The following RAPGEF4 variants were observed in gnomAD, a reference collection of about 807,000 sequenced individuals.
RAPGEF4 encodes the protein Rap guanine nucleotide exchange factor 4.
In RAPGEF4, 66 loss-of-function variants were observed where a neutral mutation model predicts 147.9. The observed-to-expected ratio is 0.45, with a 90% CI of 0.37 to 0.55. The LOEUF is 0.55. RAPGEF4 is among the 20% of genes least tolerant of loss of function. The probability of loss-of-function intolerance (pLI) is 0.00; values close to 1 mark genes in which losing one functional copy is unlikely to be tolerated. For synonymous variants in RAPGEF4, 419 were observed against 442.7 expected (o/e 0.95, Z 0.67); for missense variants, 1,071 against 1,257.3 (o/e 0.85, Z 2.24).
chr2:172,965,599 A>T lies in RAPGEF4; in HGVS notation c.736A>T (p.Met246Leu). 4 of 1,613,756 alleles carry T rather than the reference A, an allele frequency of 2.5e-6. No homozygotes were observed. The highest frequency in any genetic ancestry group is 3.4e-6 in the Non-Finnish European group (4 of 1,179,644). Residue 246 changes from methionine (M) to leucine (L), a missense_variant, in exon 9 of 31, where the codon ATG becomes TTG. Physicochemically the swap from Met to Leu is conservative, Grantham distance 15. Coordinates refer to ENST00000397081, the MANE Select transcript of RAPGEF4 (RefSeq NM_007023.4). ...CVGTELVDWM[M>L]QQTPCVHSRT... Reference sequence around the variant, plus strand: ...GGGAACTGAACTGGTGGACTGGATGATGCAGCAGACACCATGTGTTCACTC... The same window carrying T: ...GGGAACTGAACTGGTGGACTGGATGTTGCAGCAGACACCATGTGTTCACTC...
chr2:172,927,590 G>T (rs902319714), intron 6 of RAPGEF4, among the ~76,000 whole-genome samples: 1 of 151,714 alleles, frequency 6.6e-6, no homozygotes, highest in African/African-American at 2.4e-5. Context: ...AGCCAGGATC[G>T]TACCACTGCA....
At chr2:172,772,337 TATTATTTTATTTA>T (rs1331177070) in intron 1 of RAPGEF4, among the ~76,000 whole-genome samples, 4 of 147,578 alleles carry the variant, frequency 2.7e-5, no homozygotes, top group Middle Eastern at 3.2e-3. Flanking sequence ...TATATTATTT[TATTATTTTATTTA>T]ATTATTTTAT....
At chr2:173,038,058 A>C (rs1257494788) in intron 29 of RAPGEF4, among the ~76,000 whole-genome samples, 1 of 152,116 alleles carries the variant, frequency 6.6e-6, no homozygotes, top group Admixed American at 6.5e-5. Flanking sequence ...ACTATGTCTT[A>C]AGCTTCTTAG....
chr2:172,856,371 C>T (rs982077853), intron 4 of RAPGEF4, among the ~76,000 whole-genome samples: 1 of 152,118 alleles, frequency 6.6e-6, no homozygotes, highest in Admixed American at 6.5e-5. Context: ...GTTATAATAG[C>T]TGCTTTAAAG....
At chr2:172,889,686 GAC>G (rs151160330) in intron 4 of RAPGEF4, 548 of 179,442 alleles carry the variant, frequency 3.1e-3, no homozygotes, top group Non-Finnish European at 5.4e-3. Flanking sequence ...TGAGAATACA[GAC>G]ACACACACAC....
At chr2:173,016,320 T>C in intron 18 of RAPGEF4, 29 bp from the exon 19 acceptor site, 1 of 1,519,598 alleles carries the variant, frequency 6.6e-7, no homozygotes, top group Non-Finnish European at 9.1e-7. Flanking sequence ...CAGTTCTTGT[T>C]AAAAGCCTGT....
At chr2:172,997,450 A>G (rs960312844) in intron 16 of RAPGEF4, among the ~76,000 whole-genome samples, 1 of 149,492 alleles carries the variant, frequency 6.7e-6, no homozygotes, top group Non-Finnish European at 1.5e-5. Context: ...TAGTTCTTCA[A>G]CATATCTTTT....
intron 1 of RAPGEF4, among the ~76,000 whole-genome samples, chr2:172,739,825 A>G (rs66899391): frequency 0.11 from 17,322 of 152,230 alleles, 1,158 homozygotes; most frequent in African/African-American, 0.19. Flanking sequence ...ATAGCGACTC[A>G]TTGCTGGCAT....
intron 3 of RAPGEF4, among the ~76,000 whole-genome samples, chr2:172,810,575 G>A (rs1472578665): frequency 6.6e-6 from 1 of 152,202 alleles, no homozygotes; most frequent in Non-Finnish European, 1.5e-5. Context: ...CAGATTGGAG[G>A]AAAAAGCCAG....
At position 172,985,461 on chromosome 2, in the gene RAPGEF4, T is replaced by A; in HGVS notation, c.1118T>A (p.Ile373Asn). 6.2e-7 allele frequency: 1 copy of A among 1,613,924 alleles called. No individual in the cohort carries two copies. The highest frequency in any genetic ancestry group is 8.5e-7 in the Non-Finnish European group (1 of 1,179,912). The part of the protein sequence containing the change: ...TVKRELAGVL[I>N]FESHAKGGTV... ...AAACGAGAGTTAGCAGGTGTTCTCA[T>A]TTTTGAGTCTCACGCCAAAGGAGGG... The change falls in exon 12 of 31, where the codon ATT becomes AAT. Residue 373 changes from isoleucine (I) to asparagine (N), a missense_variant. By Grantham distance (149) the Ile-to-Asn change is moderately radical. Coordinates refer to ENST00000397081, the MANE Select transcript of RAPGEF4 (RefSeq NM_007023.4).
chr2:172,902,441 T>A (rs114575553), intron 4 of RAPGEF4, among the ~76,000 whole-genome samples: 2,394 of 152,218 alleles, frequency 0.016, 24 homozygotes, highest in South Asian at 0.036. Flanking sequence ...TAGCTGGGAC[T>A]ACAGGCATGC....
At chr2:172,965,511 C>G (rs772329133) in intron 8 of RAPGEF4, 51 bp from the exon 9 acceptor site, 1 of 1,583,516 alleles carries the variant, frequency 6.3e-7, no homozygotes, top group Admixed American at 1.7e-5. Context: ...CTCCCATCCT[C>G]TATCTGAAAA....
intron 1 of RAPGEF4, among the ~76,000 whole-genome samples, chr2:172,746,275 A>G (rs768213001): frequency 1.3e-5 from 2 of 152,122 alleles, no homozygotes; most frequent in Non-Finnish European, 2.9e-5. Context: ...ATTTCATTTC[A>G]TGTATAATTT....
At chr2:172,794,347 C>CAAAAAAAAAAAAAA (rs59850502) in intron 1 of RAPGEF4, among the ~76,000 whole-genome samples, 3 of 101,928 alleles carry the variant, frequency 2.9e-5, no homozygotes, top group Non-Finnish European at 5.9e-5. Flanking sequence ...AACTCCATCT[C>CAAAAAAAAAAAAAA]AAAAAAAAAA....
At chr2:172,857,886 A>C in intron 4 of RAPGEF4, among the ~76,000 whole-genome samples, 1 of 1,014 alleles carries the variant, frequency 9.9e-4, no homozygotes, top group Non-Finnish European at 0.017. Flanking sequence ...TGTCTCAAAA[A>C]AAAAAAAAAA....
At chr2:173,018,868 T>C in intron 22 of RAPGEF4, 66 bp downstream of exon 22, 4 of 1,561,688 alleles carry the variant, frequency 2.6e-6, no homozygotes, top group Non-Finnish European at 3.5e-6. Context: ...AGAAACTATG[T>C]AAGGAGTTAG....
At chr2:172,875,853 G>C (rs1369527371) in intron 4 of RAPGEF4, among the ~76,000 whole-genome samples, 1 of 152,084 alleles carries the variant, frequency 6.6e-6, no homozygotes, top group Non-Finnish European at 1.5e-5. Context: ...CCATTTTCAC[G>C]ATCTTGATTC....
intron 4 of RAPGEF4, among the ~76,000 whole-genome samples, chr2:172,851,772 A>G (rs1465452450): frequency 1.3e-5 from 2 of 152,154 alleles, no homozygotes; most frequent in Admixed American, 1.3e-4. Context: ...AAAGAAGGGA[A>G]CAATAGACAC....
chr2:172,752,655 C>T (rs1398755886), intron 1 of RAPGEF4, among the ~76,000 whole-genome samples: 3 of 152,124 alleles, frequency 2.0e-5, no homozygotes, highest in Non-Finnish European at 2.9e-5. Context: ...TGTTTAATTA[C>T]GTAAATCATC....
Sources: gnomAD v4.1 joint callset for allele counts (sites outside exome capture counted in the v4.1 genomes callset) on GRCh38, gnomAD v4.1.1 for gene constraint, MANE v1.5 for transcripts, NCBI Gene and HGNC (gene_info 2026-07-23, HGNC 2026-07-21) for gene names.